Variants in BMPR1A observed in about 807,000 individuals in gnomAD.
BMPR1A encodes the protein bone morphogenetic protein receptor type 1A.
BMPR1A carries 7 observed loss-of-function variants against 66.0 expected under a neutral mutation model. The ratio of observed to expected loss-of-function variants is 0.11; its 90% CI spans 0.06 to 0.20. The LOEUF (loss-of-function observed/expected upper bound fraction) is 0.20. BMPR1A is among the 10% of genes least tolerant of loss of function. The probability of loss-of-function intolerance (pLI) is 1.00; values close to 1 mark genes in which losing one functional copy is unlikely to be tolerated. For synonymous variants in BMPR1A, 200 were observed against 229.7 expected (o/e 0.87, Z 1.17); for missense variants, 408 against 669.1 (o/e 0.61, Z 4.31).
At chr10:86,855,993 A>G in intron 2 of BMPR1A, 3 of 626,712 alleles carry the variant, frequency 4.8e-6, no homozygotes, top group South Asian at 4.7e-5. Context: ...TTCCTTTAGC[A>G]GTTGAAAATC....
intron 7 of BMPR1A, among the ~76,000 whole-genome samples, chr10:86,906,313 G>T (rs566770261): frequency 2.2e-3 from 342 of 152,192 alleles, no homozygotes; most frequent in African/African-American, 7.6e-3. Context: ...AAGCGTGTGT[G>T]TGTGTTTCTT....
In BMPR1A at chr10:86,924,987, TTA is replaced by T. The variant is rs1400681790; in HGVS notation, c.*1272_*1273del. 4.3e-6 allele frequency: 1 copy of T among 232,194 alleles called. No individual in the cohort carries two copies. Among genetic ancestry groups the T allele is most frequent in the Admixed American group, 5.6e-5 (1 of 17,760 alleles). 14.4% of individuals were successfully genotyped at this position (232,194 alleles called of 1,614,324 possible). On this transcript the variant is annotated 3_prime_UTR_variant, in exon 13 of 13. Transcript: ENST00000372037. ...ATGAAAGGATTCTCTAATTAGAAAT[TTA>T]TATGTCAGAGCTGTTATAAATTTAT...
chr10:86,887,693 A>G (rs1286415827), intron 3 of BMPR1A, among the ~76,000 whole-genome samples: 1 of 152,168 alleles, frequency 6.6e-6, no homozygotes, highest in Admixed American at 6.5e-5. Context: ...GTGTCACTAG[A>G]TTTTTGAAAA....
chr10:86,882,662 GAA>G (rs372324110), intron 3 of BMPR1A, among the ~76,000 whole-genome samples: 11 of 128,968 alleles, frequency 8.5e-5, no homozygotes, highest in Non-Finnish European at 1.4e-4. Flanking sequence ...CTACTTTTAG[GAA>G]AAAAAAAAAA....
intron 3 of BMPR1A, among the ~76,000 whole-genome samples, chr10:86,882,217 G>C (rs1484916672): frequency 6.6e-6 from 1 of 152,128 alleles, no homozygotes; most frequent in Non-Finnish European, 1.5e-5. Flanking sequence ...TGGCTCAGGA[G>C]TTCGAGACCA....
At chr10:86,839,726 G>A (rs926101392) in intron 2 of BMPR1A, among the ~76,000 whole-genome samples, 1 of 150,016 alleles carries the variant, frequency 6.7e-6, no homozygotes, top group Non-Finnish European at 1.5e-5. Flanking sequence ...AGGCTGGACT[G>A]CAGTGAGCAT....
chr10:86,862,332 G>A (rs1842722492), intron 2 of BMPR1A, among the ~76,000 whole-genome samples: 1 of 152,164 alleles, frequency 6.6e-6, no homozygotes, highest in Admixed American at 6.5e-5. Context: ...ACAGGCATAG[G>A]GATCTGCACG....
downstream of BMPR1A, chr10:86,931,298 C>CACACACACACACACATATATAT: frequency 1.1e-5 from 1 of 90,928 alleles, no homozygotes; most frequent in African/African-American, 7.1e-5. Context: ...CACACACACA[C>CACACACACACACACATATATAT]ATATATATAT....
chr10:86,844,492 A>G (rs1842460545), intron 2 of BMPR1A, among the ~76,000 whole-genome samples: 1 of 152,220 alleles, frequency 6.6e-6, no homozygotes. Flanking sequence ...TTATTATGGT[A>G]CTGTCCATTA....
chr10:86,900,602 G>A (rs973851876), intron 7 of BMPR1A, among the ~76,000 whole-genome samples: 1 of 152,014 alleles, frequency 6.6e-6, no homozygotes. Context: ...AATGAAACAA[G>A]TTAGTAAACC....
intron 2 of BMPR1A, among the ~76,000 whole-genome samples, chr10:86,864,973 C>G (rs922422774): frequency 1.5e-4 from 23 of 152,226 alleles, no homozygotes; most frequent in Non-Finnish European, 2.1e-4. Context: ...CTCCATACCA[C>G]CCCCCAAAAA....
rs187360043 is a variant in BMPR1A at position 86,789,762 on chromosome 10, C to A, written c.-268+32843C>A. On this transcript the variant is annotated intron_variant, in intron 1 of 12. Transcript: ENST00000372037. The stretch of plus-strand genomic sequence containing the variant: ...GTAACTAACTTAGAAAACCAAAAAT[C>A]TAATTTAAAAACAGGCAAAGGATTC... Among the ~76,000 whole-genome samples, 514 of 150,446 alleles carry A rather than the reference C, an allele frequency of 3.4e-3. 2 individuals carry two copies. Among genetic ancestry groups the A allele is most frequent in the Admixed American group, 5.8e-3 (88 of 15,084 alleles).
At position 86,877,810 on chromosome 10, in the gene BMPR1A, AT is replaced by A. The variant is rs548271755; in HGVS notation, c.67+1729del. 1.3e-4 allele frequency among the ~76,000 whole-genome samples: 20 copies of A among 152,294 alleles called. No individual in the cohort carries two copies. In the South Asian group the frequency reaches 4.1e-3, roughly 32 times the overall value. Reference sequence around the variant, plus strand: ...GCTACCTCACTTCCAGGTAATCTCCATTTTGGCATAAATTTTTTTAAAATCT... The same window carrying A: ...GCTACCTCACTTCCAGGTAATCTCCATTTGGCATAAATTTTTTTAAAATCT... On this transcript the variant is annotated intron_variant, in intron 3 of 12. Transcript: ENST00000372037.
chr10:86,782,789 C>A (rs1450226073), intron 1 of BMPR1A, among the ~76,000 whole-genome samples: 2 of 151,800 alleles, frequency 1.3e-5, no homozygotes, highest in African/African-American at 4.8e-5. Context: ...AATATTTTCT[C>A]TCATTCTGTA....
intron 5 of BMPR1A, among the ~76,000 whole-genome samples, chr10:86,894,434 GT>G (rs1001694195): frequency 1.3e-5 from 2 of 152,162 alleles, no homozygotes; most frequent in Admixed American, 6.5e-5. Flanking sequence ...TGCTAATTTC[GT>G]TGTTCCAGTT....
At chr10:86,854,917 CT>C (rs911629340) in intron 2 of BMPR1A, 9 of 174,416 alleles carry the variant, frequency 5.2e-5, no homozygotes, top group Admixed American at 1.2e-4. Flanking sequence ...TCATTAAGTT[CT>C]TTTTTTTTCT....
At chr10:86,889,844 T>C (rs1183291969) in intron 3 of BMPR1A, 3 of 566,314 alleles carry the variant, frequency 5.3e-6, no homozygotes, top group African/African-American at 1.9e-5. Flanking sequence ...AATTGTGATA[T>C]AGCTGTCTTC....
intron 1 of BMPR1A, among the ~76,000 whole-genome samples, chr10:86,818,037 G>A (rs573500747): frequency 7.9e-5 from 12 of 152,146 alleles, no homozygotes; most frequent in South Asian, 2.1e-4. Flanking sequence ...ATATTTTTTC[G>A]AGACGGAGTC....
At chr10:86,879,879 T>C (rs751143431) in intron 3 of BMPR1A, among the ~76,000 whole-genome samples, 6 of 152,210 alleles carry the variant, frequency 3.9e-5, no homozygotes. Context: ...ACCTCAGTAT[T>C]CACTGCTCCA....
Sources: gnomAD v4.1 joint callset for allele counts (sites outside exome capture counted in the v4.1 genomes callset) on GRCh38, gnomAD v4.1.1 for gene constraint, MANE v1.5 for transcripts, NCBI Gene and HGNC (gene_info 2026-07-23, HGNC 2026-07-21) for gene names.